Variants in PEBP4 observed in about 807,000 individuals in gnomAD.
PEBP4 encodes the protein phosphatidylethanolamine binding protein 4.
Under a neutral mutation model 23.9 loss-of-function variants are expected in PEBP4, and 22 were observed. That is an observed-to-expected ratio of 0.92 (90% confidence interval 0.66 to 1.31). The LOEUF is 1.31. Among genes scored for constraint, PEBP4 ranks in the 40% most tolerant of loss-of-function variants. The pLI is 0.00. For missense variants in PEBP4, 324 were observed against 281.7 expected (o/e 1.15, Z -1.07); for synonymous variants, 112 against 99.3 (o/e 1.13, Z -0.76).
rs1563242227 is a variant in PEBP4, at chr8:22,865,374, TGG to T, written c.259-47641_259-47640del. Among the ~76,000 whole-genome samples the T allele has an allele frequency of 9.3e-5, 14 of 150,320 alleles. No individual in the cohort carries two copies. The highest frequency in any genetic ancestry group is 3.2e-4 in the African/African-American group (13 of 41,082). On this transcript the variant is annotated intron_variant, in intron 3 of 6. Transcript: ENST00000256404. The surrounding 1 kb of genome is among the most constrained non-coding windows in gnomAD (Gnocchi z 6.9). Reference sequence around the variant, plus strand: ...CACCCACGGGCGGTGACGGTGGCGGTGGCGGTGGCGGCGGCGGGACCCCGGGC... The same window carrying T: ...CACCCACGGGCGGTGACGGTGGCGGTCGGTGGCGGCGGCGGGACCCCGGGC...
rs368939917 is a variant in PEBP4, at chr8:22,735,003, C to T, written c.358-7783G>A. On this transcript the variant is annotated intron_variant, in intron 4 of 6. Coordinates refer to ENST00000256404, the MANE Select transcript of PEBP4 (RefSeq NM_144962.3). Reference sequence around the variant, plus strand: ...TCCAGGCCCTTTGTTCTAGGTCGTGCGATTGCCAAAAATGTCACACCGTCT... The same window carrying T: ...TCCAGGCCCTTTGTTCTAGGTCGTGTGATTGCCAAAAATGTCACACCGTCT... Among the ~76,000 whole-genome samples, 7 of 152,208 alleles carry T rather than the reference C, an allele frequency of 4.6e-5. No homozygotes were observed. In the East Asian group the frequency reaches 5.8e-4, roughly 13 times the overall value.
At chr8:22,821,935 A>G (rs1806865849) in intron 3 of PEBP4, among the ~76,000 whole-genome samples, 1 of 149,876 alleles carries the variant, frequency 6.7e-6, no homozygotes, top group South Asian at 2.1e-4. Context: ...TAGTGAGCCG[A>G]GATCGCGCCA....
rs1804589166 is a variant in PEBP4 at position 22,724,779 on chromosome 8, C to T, written c.517+64G>A. ...AAGGCCCCAATTTCCCCGTAAATGC[C>T]TGAAGCGTTTGTTCCACCCCAGAAT... is the stretch of plus-strand genomic sequence containing the variant. On this transcript the variant is annotated intron_variant, in intron 6 of 6. Coordinates refer to ENST00000256404, the MANE Select transcript of PEBP4 (RefSeq NM_144962.3). The T allele has an allele frequency of 3.1e-6, 4 of 1,297,794 alleles. No homozygotes were observed. In the South Asian group the frequency reaches 4.9e-5, roughly 16 times the overall value. 80.4% of individuals were successfully genotyped at this position (1,297,794 alleles called of 1,614,324 possible).
At chr8:22,818,550 C>A (rs1806793798) in intron 3 of PEBP4, among the ~76,000 whole-genome samples, 1 of 152,098 alleles carries the variant, frequency 6.6e-6, no homozygotes, top group Non-Finnish European at 1.5e-5. Context: ...GGCCAGGCCA[C>A]AGGGGGCTCT....
intron 3 of PEBP4, among the ~76,000 whole-genome samples, chr8:22,821,996 A>AAG (rs1806868463): frequency 6.6e-6 from 1 of 150,686 alleles, no homozygotes; most frequent in Non-Finnish European, 1.5e-5. Flanking sequence ...AAAAAAAAAA[A>AAG]AAAGAGGCTG....
intron 6 of PEBP4, among the ~76,000 whole-genome samples, chr8:22,715,296 C>G (rs112387838): frequency 0.037 from 5,632 of 152,348 alleles, 154 homozygotes; most frequent in Non-Finnish European, 0.054. Context: ...CCTGAGTGTC[C>G]TTTCAGAGGG....
chr8:22,912,318 G>A (rs770538124), intron 3 of PEBP4, among the ~76,000 whole-genome samples: 10 of 152,190 alleles, frequency 6.6e-5, no homozygotes, highest in East Asian at 1.9e-4. Flanking sequence ...GCAGGGGTGC[G>A]TTCTGTGTGT....
In PEBP4 at chr8:22,738,697, C is replaced by T. The variant is rs117356750; in HGVS notation, c.358-11477G>A. Among the ~76,000 whole-genome samples, 1,150 of 152,278 alleles carry T rather than the reference C, an allele frequency of 7.6e-3. 102 individuals are homozygous for T. In the East Asian group the frequency reaches 0.19, roughly 25 times the overall value. ...GCACATGCTCACATCCACACTCTCA[C>T]ATATACATACGTTCACACACTCACA... is the stretch of plus-strand genomic sequence containing the variant. On this transcript the variant is annotated intron_variant, in intron 4 of 6. Transcript: ENST00000256404.
chr8:22,913,890 C>T (rs779662798), intron 3 of PEBP4, among the ~76,000 whole-genome samples: 1 of 151,806 alleles, frequency 6.6e-6, no homozygotes, highest in Non-Finnish European at 1.5e-5. Flanking sequence ...AGCTCCTTAG[C>T]CTATTGCAGC....
intron 6 of PEBP4, among the ~76,000 whole-genome samples, chr8:22,723,928 T>C (rs751148832): frequency 1.3e-5 from 2 of 152,190 alleles, no homozygotes; most frequent in Non-Finnish European, 2.9e-5. Flanking sequence ...GCCAGCTTCC[T>C]AGTGGGTGGA....
At chr8:22,915,221 A>G (rs1032364864) in intron 3 of PEBP4, among the ~76,000 whole-genome samples, 2 of 152,028 alleles carry the variant, frequency 1.3e-5, no homozygotes, top group African/African-American at 4.8e-5. Context: ...CTGCTGCTGG[A>G]GTGACCTTCC....
At chr8:22,760,362 G>A (rs1805481983) in intron 4 of PEBP4, among the ~76,000 whole-genome samples, 1 of 152,164 alleles carries the variant, frequency 6.6e-6, no homozygotes, top group Non-Finnish European at 1.5e-5. Context: ...GCCCCAGACT[G>A]TAATTAAACG....
At chr8:22,742,813 C>G (rs1054316230) in intron 4 of PEBP4, among the ~76,000 whole-genome samples, 11 of 152,330 alleles carry the variant, frequency 7.2e-5, no homozygotes, top group Admixed American at 2.6e-4. Context: ...TAGATCCTGG[C>G]TGATGTCAAC....
At position 22,921,348 on chromosome 8, in the gene PEBP4, G is replaced by A. The variant is rs530699645; in HGVS notation, c.132-1038C>T. On this transcript the variant is annotated intron_variant, in intron 2 of 6. Transcript: ENST00000256404. Reference sequence around the variant, plus strand: ...GGGCTAAGCCGCTCTACAGCCTGCCGGTAGCCACCCACAGCGGTCCACAGT... The same window carrying A: ...GGGCTAAGCCGCTCTACAGCCTGCCAGTAGCCACCCACAGCGGTCCACAGT... Among the ~76,000 whole-genome samples the A allele has an allele frequency of 1.6e-4, 25 of 152,354 alleles. No individual in the cohort carries two copies. The South Asian group carries it at 3.9e-3, about 24-fold the overall frequency.
intron 3 of PEBP4, among the ~76,000 whole-genome samples, chr8:22,906,790 T>G (rs571391326): frequency 1.3e-5 from 2 of 152,370 alleles, no homozygotes; most frequent in South Asian, 4.1e-4. Context: ...ATGCTTGGTA[T>G]GCACCAGTGA....
intron 4 of PEBP4, among the ~76,000 whole-genome samples, chr8:22,762,227 C>T (rs1338820050): frequency 6.6e-6 from 1 of 152,200 alleles, no homozygotes; most frequent in Non-Finnish European, 1.5e-5. Flanking sequence ...CCTGAATACA[C>T]AATTTCTACC....
At chr8:22,882,329 A>G (rs1208172916) in intron 3 of PEBP4, among the ~76,000 whole-genome samples, 3 of 152,198 alleles carry the variant, frequency 2.0e-5, no homozygotes, top group Non-Finnish European at 4.4e-5. Flanking sequence ...AGTGACCCAG[A>G]CAGTGCTGGC....
At chr8:22,932,978 C>A (rs1809481441) in intron 1 of PEBP4, among the ~76,000 whole-genome samples, 1 of 143,874 alleles carries the variant, frequency 7.0e-6, no homozygotes, top group South Asian at 2.1e-4. Flanking sequence ...GCACTCTAGC[C>A]TGGGCAACAG....
At chr8:22,862,807 T>C (rs1807806691) in intron 3 of PEBP4, among the ~76,000 whole-genome samples, 2 of 149,902 alleles carry the variant, frequency 1.3e-5, no homozygotes, top group South Asian at 4.3e-4. Flanking sequence ...ACCTTTTTTT[T>C]TTTTTTTTTT....
Sources: allele counts gnomAD v4.1 joint callset (sites outside exome capture counted in the v4.1 genomes callset), GRCh38; gene constraint gnomAD v4.1.1; non-coding constraint Gnocchi (gnomAD v3.1); transcripts MANE v1.5; gene names NCBI Gene and HGNC (gene_info 2026-07-23, HGNC 2026-07-21).